Variants in SLC24A3 observed in about 807,000 individuals in gnomAD.
SLC24A3 encodes solute carrier family 24 member 3.
In SLC24A3, 28 loss-of-function variants were observed where a neutral mutation model predicts 75.8. That is an observed-to-expected ratio of 0.37 (90% CI 0.27 to 0.51). The LOEUF is 0.51. SLC24A3 is among the 20% of genes least tolerant of loss of function. The probability of loss-of-function intolerance (pLI) is 0.94; values close to 1 mark genes in which losing one functional copy is unlikely to be tolerated. For synonymous variants in SLC24A3, 372 were observed against 334.1 expected (o/e 1.11, Z -1.24); for missense variants, 663 against 847.8 (o/e 0.78, Z 2.71).
rs1491578632 is a variant in SLC24A3, at chr20:19,325,765, C to CAT, written c.271+44688_271+44689dup. Reference sequence around the variant, plus strand: ...GTGTGTGTGTGTGTATACATACATACATATATATATACATATATATATATA... The same window carrying CAT: ...GTGTGTGTGTGTGTATACATACATACATATATATATATACATATATATATATA... On this transcript the variant is annotated intron_variant, in intron 2 of 16. Coordinates refer to ENST00000328041, the MANE Select transcript of SLC24A3 (RefSeq NM_020689.4). Among the ~76,000 whole-genome samples the CAT allele has an allele frequency of 3.0e-3, 130 of 42,990 alleles. 2 individuals are homozygous for CAT. Among genetic ancestry groups the CAT allele is most frequent in the African/African-American group, 9.7e-3 (78 of 8,082 alleles). The allele number at this position is 42,990 out of a possible 152,430, so 28.2% of individuals were successfully genotyped here.
intron 1 of SLC24A3, among the ~76,000 whole-genome samples, chr20:19,227,649 T>G (rs767144037): frequency 1.3e-4 from 20 of 152,208 alleles, no homozygotes; most frequent in African/African-American, 1.9e-4. Context: ...GACTACTGTT[T>G]CCTCTACCTC....
intron 6 of SLC24A3, among the ~76,000 whole-genome samples, chr20:19,606,170 A>C (rs868330915): frequency 2.0e-4 from 31 of 152,312 alleles, no homozygotes; most frequent in Middle Eastern, 6.8e-3. Context: ...AAAATTACCC[A>C]GGGGTGCAGG....
At chr20:19,663,142 C>T (rs1232695747) in intron 7 of SLC24A3, among the ~76,000 whole-genome samples, 1 of 151,960 alleles carries the variant, frequency 6.6e-6, no homozygotes, top group Non-Finnish European at 1.5e-5. Context: ...GATCATAGCT[C>T]ACTGCAGCCT....
At chr20:19,368,595 A>C (rs1285988028) in intron 2 of SLC24A3, among the ~76,000 whole-genome samples, 1 of 152,200 alleles carries the variant, frequency 6.6e-6, no homozygotes, top group South Asian at 2.1e-4. Context: ...TCCTTCCTGC[A>C]TGCTCAGGGG....
intron 1 of SLC24A3, among the ~76,000 whole-genome samples, chr20:19,265,079 G>A (rs6081555): frequency 2.6e-5 from 4 of 151,906 alleles, no homozygotes; most frequent in Non-Finnish European, 5.9e-5. Context: ...ACCTTTCAAC[G>A]TTGCAAACAC....
At chr20:19,627,397 G>A (rs948918131) in intron 6 of SLC24A3, among the ~76,000 whole-genome samples, 5 of 152,142 alleles carry the variant, frequency 3.3e-5, no homozygotes, top group Non-Finnish European at 7.4e-5. Flanking sequence ...AGGCTTTTGT[G>A]AGAAAAAGAG....
intron 6 of SLC24A3, among the ~76,000 whole-genome samples, chr20:19,650,834 G>T (rs539430850): frequency 2.6e-5 from 4 of 152,048 alleles, no homozygotes; most frequent in African/African-American, 7.2e-5. Context: ...TTGTTTGCTT[G>T]CTTAGTTTTC....
chr20:19,227,808 GT>G (rs887800847), intron 1 of SLC24A3, among the ~76,000 whole-genome samples: 119 of 152,016 alleles, frequency 7.8e-4, no homozygotes, highest in African/African-American at 2.7e-3. Flanking sequence ...CACCTTTCCT[GT>G]TTTTTGAAAA....
chr20:19,292,584 A>G (rs1983966182), intron 2 of SLC24A3, among the ~76,000 whole-genome samples: 1 of 152,124 alleles, frequency 6.6e-6, no homozygotes, highest in Non-Finnish European at 1.5e-5. Flanking sequence ...TTATAGAAAA[A>G]TCACGGATGA....
intron 9 of SLC24A3, among the ~76,000 whole-genome samples, chr20:19,678,658 C>T (rs1190948775): frequency 6.7e-6 from 1 of 149,208 alleles, no homozygotes; most frequent in East Asian, 2.0e-4. Flanking sequence ...CTCCACCTCC[C>T]TCCCGGACAC....
intron 2 of SLC24A3, among the ~76,000 whole-genome samples, chr20:19,380,692 G>T (rs1425711820): frequency 1.3e-5 from 2 of 152,250 alleles, no homozygotes; most frequent in East Asian, 3.9e-4. Flanking sequence ...TTATTTTGGA[G>T]GGATATTCTT....
intron 6 of SLC24A3, among the ~76,000 whole-genome samples, chr20:19,597,795 CTCCTACATATGAA>C (rs1474386763): frequency 5.3e-5 from 8 of 152,214 alleles, no homozygotes; most frequent in African/African-American, 1.9e-4. Flanking sequence ...ACTATTTTAG[CTCCTACATATGAA>C]TGAGAACATG....
intron 2 of SLC24A3, among the ~76,000 whole-genome samples, chr20:19,448,754 C>G (rs1025356989): frequency 3.9e-5 from 6 of 152,206 alleles, no homozygotes; most frequent in African/African-American, 1.4e-4. Context: ...GTGGATGACA[C>G]TTGTGCCAGT....
chr20:19,371,810 C>T (rs1985997202), intron 2 of SLC24A3, among the ~76,000 whole-genome samples: 1 of 152,128 alleles, frequency 6.6e-6, no homozygotes, highest in Non-Finnish European at 1.5e-5. Context: ...TTCAAACCTA[C>T]CCCAGAGTCT....
intron 1 of SLC24A3, among the ~76,000 whole-genome samples, chr20:19,253,392 C>G (rs1395340756): frequency 6.6e-6 from 1 of 152,350 alleles, no homozygotes; most frequent in East Asian, 1.9e-4. Context: ...GTTGCCCTTG[C>G]CAAGCGTTAC....
chr20:19,658,709 C>T (rs973247435), intron 7 of SLC24A3, among the ~76,000 whole-genome samples: 1 of 152,138 alleles, frequency 6.6e-6, no homozygotes, highest in Non-Finnish European at 1.5e-5. Context: ...AAGGCTCCCC[C>T]AATGCCTTCA....
intron 1 of SLC24A3, among the ~76,000 whole-genome samples, chr20:19,261,340 A>G (rs530164841): frequency 2.0e-4 from 30 of 151,832 alleles, no homozygotes; most frequent in African/African-American, 6.3e-4. Context: ...CCAGTTTTAT[A>G]TTTTACTTTA....
intron 2 of SLC24A3, among the ~76,000 whole-genome samples, chr20:19,336,252 A>T (rs542303831): frequency 1.3e-5 from 2 of 152,292 alleles, no homozygotes; most frequent in Admixed American, 1.3e-4. Flanking sequence ...GCCCATAGAC[A>T]CACCTGTTGG....
At chr20:19,271,979 A>C (rs1012281700) in intron 1 of SLC24A3, among the ~76,000 whole-genome samples, 1 of 152,270 alleles carries the variant, frequency 6.6e-6, no homozygotes, top group Non-Finnish European at 1.5e-5. Context: ...CTATTGAAAT[A>C]AAAATTTTTA....
Sources: gnomAD v4.1 joint callset for allele counts (sites outside exome capture counted in the v4.1 genomes callset) on GRCh38, gnomAD v4.1.1 for gene constraint, MANE v1.5 for transcripts, NCBI Gene and HGNC (gene_info 2026-07-23, HGNC 2026-07-21) for gene names.